The following GOLIM4 variants were observed in gnomAD, a reference collection of about 807,000 sequenced individuals.
The protein encoded by GOLIM4 is 130 kDa golgi-localized phosphoprotein.
Under a neutral mutation model 107.4 loss-of-function variants are expected in GOLIM4, and 71 were observed. The observed-to-expected ratio is 0.66, with a 90% CI of 0.55 to 0.81. The LOEUF is 0.81. GOLIM4 is among the 30% of genes least tolerant of loss of function. The pLI is 0.00. For missense variants in GOLIM4, 830 were observed against 826.1 expected, an observed-to-expected ratio of 1.00 and a Z score of -0.06; for synonymous variants, 327 against 294.8, an observed-to-expected ratio of 1.11 and a Z score of -1.12.
chr3:168,063,535 T>C (rs1720376621), intron 1 of GOLIM4, among the ~76,000 whole-genome samples: 1 of 152,058 alleles, frequency 6.6e-6, no homozygotes, highest in African/African-American at 2.4e-5. Context: ...TGACTCTGAA[T>C]AGGGTATCTT....
At chr3:168,058,724 G>A (rs76966868) in intron 1 of GOLIM4, among the ~76,000 whole-genome samples, 2,268 of 152,144 alleles carry the variant, frequency 0.015, 38 homozygotes, top group South Asian at 0.032. Flanking sequence ...AGAGCTGAGA[G>A]GAATAATATC....
At chr3:168,065,239 A>G (rs1298633390) in intron 1 of GOLIM4, among the ~76,000 whole-genome samples, 1 of 152,246 alleles carries the variant, frequency 6.6e-6, no homozygotes, top group Non-Finnish European at 1.5e-5. Flanking sequence ...AAAGGAGAAG[A>G]GTAGTGGCAT....
intron 1 of GOLIM4, among the ~76,000 whole-genome samples, chr3:168,071,145 C>T (rs1015597382): frequency 9.2e-5 from 14 of 152,114 alleles, no homozygotes; most frequent in Non-Finnish European, 1.9e-4. Context: ...CGCATCCCAT[C>T]GTCAGTGATT....
chr3:168,079,843 A>T (rs916811472), intron 1 of GOLIM4, among the ~76,000 whole-genome samples: 3 of 152,158 alleles, frequency 2.0e-5, no homozygotes, highest in African/African-American at 7.2e-5. Context: ...CTGCTCCAAA[A>T]TCAAACACAA....
At chr3:168,085,031 C>T (rs1429707492) in intron 1 of GOLIM4, among the ~76,000 whole-genome samples, 1 of 151,828 alleles carries the variant, frequency 6.6e-6, no homozygotes, top group African/African-American at 2.4e-5. Flanking sequence ...CTGAAGATGT[C>T]ACCTGGTTTC....
chr3:168,026,524 CA>C (rs1350086671), intron 12 of GOLIM4, among the ~76,000 whole-genome samples: 1 of 151,980 alleles, frequency 6.6e-6, no homozygotes, highest in African/African-American at 2.4e-5. Flanking sequence ...GCATGTTCCC[CA>C]AAACAAACAA....
intron 1 of GOLIM4, among the ~76,000 whole-genome samples, chr3:168,080,325 A>G (rs931160666): frequency 6.6e-6 from 1 of 152,234 alleles, no homozygotes; most frequent in Non-Finnish European, 1.5e-5. Context: ...GCACTGTAAT[A>G]TATCAATAAT....
chr3:168,032,878 G>A, intron 8 of GOLIM4, 26 bp from the exon 9 acceptor site: 1 of 1,514,432 alleles, frequency 6.6e-7, no homozygotes, highest in Non-Finnish European at 9.1e-7. Flanking sequence ...CACTGGGAAT[G>A]ACACTCTTCC....
intron 1 of GOLIM4, among the ~76,000 whole-genome samples, chr3:168,087,868 C>T (rs374461244): frequency 5.0e-4 from 76 of 152,084 alleles, no homozygotes; most frequent in Middle Eastern, 3.4e-3. Flanking sequence ...GCATTGAACC[C>T]GAACATGGTA....
chr3:168,094,146 TAAC>T (rs1182625382), intron 1 of GOLIM4, among the ~76,000 whole-genome samples: 1 of 152,232 alleles, frequency 6.6e-6, no homozygotes, highest in African/African-American at 2.4e-5. Flanking sequence ...GATACGTCCT[TAAC>T]AAGAGGACAT....
chr3:168,025,168 G>T, intron 12 of GOLIM4, 73 bp from the exon 13 acceptor site: 1 of 1,210,078 alleles, frequency 8.3e-7, no homozygotes, highest in Non-Finnish European at 1.2e-6. Flanking sequence ...TGAAAAGGCT[G>T]CCCACTGGCA....
intron 14 of GOLIM4, among the ~76,000 whole-genome samples, chr3:168,013,842 GA>G (rs1467570723): frequency 5.0e-4 from 76 of 151,382 alleles, no homozygotes; most frequent in African/African-American, 1.8e-3. Context: ...TCAAACCAAC[GA>G]GAACAAAGAC....
intron 14 of GOLIM4, among the ~76,000 whole-genome samples, chr3:168,011,359 G>A (rs1241509512): frequency 1.3e-5 from 2 of 152,232 alleles, no homozygotes; most frequent in Admixed American, 6.5e-5. Context: ...GGCGCACCAC[G>A]AGATTATATC....
intron 1 of GOLIM4, among the ~76,000 whole-genome samples, chr3:168,053,886 C>T (rs917558289): frequency 3.9e-5 from 6 of 152,216 alleles, no homozygotes; most frequent in Middle Eastern, 3.4e-3. Context: ...TAGAAAACAA[C>T]CCCCATAAAA....
At position 168,032,601 on chromosome 3, in the gene GOLIM4, T is replaced by C. The variant is rs1718394355; in HGVS notation, c.1095A>G (p.Pro365=). ...CTTTCCACTCCCGATCCTGCTCCTCTGGTGATGGATCGTGTTCCTCCTCAA... is the reference window on the plus strand; with the variant it reads ...CTTTCCACTCCCGATCCTGCTCCTCCGGTGATGGATCGTGTTCCTCCTCAA... ...EHLEEEHDPS[P]EEQDREWKEQ... Residue 365 remains proline (P), a synonymous_variant, in exon 9 of 16, where the codon CCA becomes CCG. Transcript: ENST00000470487. The C allele has an allele frequency of 1.2e-6, 2 of 1,614,070 alleles. No individual in the cohort carries two copies. Among genetic ancestry groups the C allele is most frequent in the East Asian group, 2.2e-5 (1 of 44,864 alleles).
At chr3:168,045,948 C>T (rs1719277447) in intron 3 of GOLIM4, among the ~76,000 whole-genome samples, 1 of 152,156 alleles carries the variant, frequency 6.6e-6, no homozygotes, top group Non-Finnish European at 1.5e-5. Flanking sequence ...GTGGTGGGAT[C>T]ATAGCTCATT....
At chr3:168,093,054 C>T (rs1274404784) in intron 1 of GOLIM4, among the ~76,000 whole-genome samples, 1 of 152,036 alleles carries the variant, frequency 6.6e-6, no homozygotes, top group African/African-American at 2.4e-5. Flanking sequence ...TCCTGTATTA[C>T]CATTTACCAC....
intron 14 of GOLIM4, among the ~76,000 whole-genome samples, chr3:168,017,154 A>T (rs913296682): frequency 6.6e-6 from 1 of 152,204 alleles, no homozygotes; most frequent in Non-Finnish European, 1.5e-5. Context: ...AATGGTTAAA[A>T]TTCCAAATAT....
intron 11 of GOLIM4, 80 bp downstream of exon 11, chr3:168,029,141 TTA>T: frequency 1.1e-6 from 1 of 889,190 alleles, no homozygotes; most frequent in Non-Finnish European, 1.8e-6. Context: ...CTCATTGATG[TTA>T]TATAATATTG....
Sources: allele counts gnomAD v4.1 joint callset (sites outside exome capture counted in the v4.1 genomes callset), GRCh38; gene constraint gnomAD v4.1.1; transcripts MANE v1.5; gene names NCBI Gene and HGNC (gene_info 2026-07-23, HGNC 2026-07-21).